The following EPHA6 variants were observed in gnomAD, a reference collection of about 807,000 sequenced individuals.
EPHA6 encodes ephrin type-A receptor 6.
Under a neutral mutation model 112.0 loss-of-function variants are expected in EPHA6, and 50 were observed. The observed-to-expected ratio is 0.45, with a 90% CI of 0.36 to 0.56. EPHA6 has a LOEUF of 0.56. EPHA6 is among the 20% of genes least tolerant of loss of function. The pLI is 0.00. For synonymous variants in EPHA6, 529 were observed against 490.7 expected (o/e 1.08, Z -1.03); for missense variants, 1,280 against 1,417.4 (o/e 0.90, Z 1.56).
chr3:97,638,070 T>C lies in EPHA6; in HGVS notation c.2772T>C (p.Ala924=), dbSNP rs1162524231. 3 of 1,612,488 alleles carry C rather than the reference T, an allele frequency of 1.9e-6. No individual in the cohort carries two copies. The highest frequency in any genetic ancestry group is 1.7e-4 in the Middle Eastern group (1 of 5,802). Residue 924 remains alanine (A), a synonymous_variant, in exon 14 of 18, where the codon GCT becomes GCC. Transcript: ENST00000389672. The stretch of plus-strand genomic sequence containing the variant: ...TGCTGGAAGATGATCCAGAAGCTGC[T>C]TATACAACAACTGTAAGTTTATATG... ...SRVLEDDPEA[A]YTTTGGKIPI...
chr3:97,206,369 T>C (rs1295594512), intron 3 of EPHA6, among the ~76,000 whole-genome samples: 1 of 152,106 alleles, frequency 6.6e-6, no homozygotes, highest in Non-Finnish European at 1.5e-5. Flanking sequence ...ACTATGGAAT[T>C]CTTTAGGCCG....
intron 5 of EPHA6, among the ~76,000 whole-genome samples, chr3:97,383,365 G>A (rs544997878): frequency 1.3e-5 from 2 of 152,020 alleles, no homozygotes; most frequent in South Asian, 4.2e-4. Flanking sequence ...ACCCATATTT[G>A]GCTAACAAGT....
chr3:97,631,142 CA>C (rs1297209668), intron 13 of EPHA6, among the ~76,000 whole-genome samples: 1 of 151,926 alleles, frequency 6.6e-6, no homozygotes, highest in Admixed American at 6.6e-5. Context: ...TTTCAGAGAG[CA>C]AAACAAAAGT....
At chr3:97,401,762 T>A (rs920171520) in intron 5 of EPHA6, among the ~76,000 whole-genome samples, 5 of 151,854 alleles carry the variant, frequency 3.3e-5, no homozygotes, top group African/African-American at 1.2e-4. Flanking sequence ...CATTAGATTT[T>A]TTATTTGTAA....
intron 5 of EPHA6, among the ~76,000 whole-genome samples, chr3:97,395,680 G>GT (rs1214633892): frequency 5.9e-5 from 9 of 151,484 alleles, no homozygotes; most frequent in Admixed American, 5.3e-4. Context: ...ATTTCATTGA[G>GT]TTTTTTATTA....
At chr3:97,491,419 A>G (rs1577561108) in intron 10 of EPHA6, among the ~76,000 whole-genome samples, 1 of 152,096 alleles carries the variant, frequency 6.6e-6, no homozygotes, top group Non-Finnish European at 1.5e-5. Context: ...TGTAAGATGG[A>G]TAGTGGGGAG....
At chr3:97,403,809 A>G (rs1159711236) in intron 5 of EPHA6, among the ~76,000 whole-genome samples, 1 of 152,224 alleles carries the variant, frequency 6.6e-6, no homozygotes, top group African/African-American at 2.4e-5. Context: ...GCAAGGCAAA[A>G]TATATTCATA....
At chr3:97,660,606 C>T (rs1377895615) in intron 14 of EPHA6, among the ~76,000 whole-genome samples, 1 of 152,074 alleles carries the variant, frequency 6.6e-6, no homozygotes, top group African/African-American at 2.4e-5. Context: ...AAACATCATT[C>T]TGTGAGCTCG....
At chr3:97,643,283 T>C (rs1231218609) in intron 14 of EPHA6, among the ~76,000 whole-genome samples, 1 of 150,894 alleles carries the variant, frequency 6.6e-6, no homozygotes, top group Non-Finnish European at 1.5e-5. Flanking sequence ...AAAGAGCTCC[T>C]GAAGGAAGCG....
chr3:97,444,217 A>G (rs1213520388), intron 6 of EPHA6, among the ~76,000 whole-genome samples: 1 of 152,116 alleles, frequency 6.6e-6, no homozygotes, highest in Admixed American at 6.6e-5. Context: ...CTTACATTTA[A>G]TCCAATTAAT....
At chr3:97,374,797 C>T (rs970139890) in intron 5 of EPHA6, among the ~76,000 whole-genome samples, 7 of 152,064 alleles carry the variant, frequency 4.6e-5, no homozygotes, top group East Asian at 1.9e-4. Context: ...AGCTGGAGGC[C>T]ATTATCCTAA....
chr3:96,852,771 A>G (rs2035472969), intron 1 of EPHA6, among the ~76,000 whole-genome samples: 1 of 152,146 alleles, frequency 6.6e-6, no homozygotes, highest in South Asian at 2.1e-4. Flanking sequence ...TAATAACTGC[A>G]TCTGTTGGTG....
In EPHA6 at chr3:97,215,316, A is replaced by G. The variant is rs748563700; in HGVS notation, c.1115-10948A>G. Among the ~76,000 whole-genome samples, 31 of 152,314 alleles carry G rather than the reference A, an allele frequency of 2.0e-4. 1 individual carries two copies. The highest frequency in any genetic ancestry group is 3.4e-3 in the Middle Eastern group (1 of 294). On this transcript the variant is annotated intron_variant, in intron 3 of 17. Transcript: ENST00000389672. ...TTTCTTATTTTTTGTTTTATTAGAG[A>G]CATACTTTGTGTGTGTGTGTATGTG...
At chr3:97,019,472 C>T (rs1424706731) in intron 3 of EPHA6, among the ~76,000 whole-genome samples, 2 of 152,112 alleles carry the variant, frequency 1.3e-5, no homozygotes, top group Non-Finnish European at 2.9e-5. Flanking sequence ...TCTTTCAGTT[C>T]ACGGCTGGAG....
intron 10 of EPHA6, among the ~76,000 whole-genome samples, chr3:97,524,497 A>G (rs1367850537): frequency 6.6e-6 from 1 of 152,080 alleles, no homozygotes; most frequent in Admixed American, 6.6e-5. Flanking sequence ...TATTATACTA[A>G]TGAGTGATTT....
chr3:97,033,218 A>G (rs572983755), intron 3 of EPHA6, among the ~76,000 whole-genome samples: 1 of 152,092 alleles, frequency 6.6e-6, no homozygotes, highest in East Asian at 1.9e-4. Context: ...TACTATGTGT[A>G]CCACTTTATT....
At chr3:97,717,339 T>A (rs930697657) in intron 14 of EPHA6, among the ~76,000 whole-genome samples, 12 of 151,260 alleles carry the variant, frequency 7.9e-5, no homozygotes, top group Admixed American at 2.0e-4. Context: ...AAAAAAAAAA[T>A]TTTATAGTGG....
intron 7 of EPHA6, among the ~76,000 whole-genome samples, chr3:97,462,598 T>G (rs2107393839): frequency 6.6e-6 from 1 of 152,296 alleles, no homozygotes; most frequent in Admixed American, 6.5e-5. Flanking sequence ...GAAAACAAGC[T>G]TAGCTATATA....
intron 2 of EPHA6, among the ~76,000 whole-genome samples, chr3:96,885,697 T>C (rs2037582346): frequency 6.6e-6 from 1 of 152,170 alleles, no homozygotes; most frequent in South Asian, 2.1e-4. Flanking sequence ...CATTATCTTT[T>C]GTAATTTTTT....
Sources: gnomAD v4.1 joint callset for allele counts (sites outside exome capture counted in the v4.1 genomes callset) on GRCh38, gnomAD v4.1.1 for gene constraint, MANE v1.5 for transcripts, NCBI Gene and HGNC (gene_info 2026-07-23, HGNC 2026-07-21) for gene names.